Variants in GLG1 observed in about 807,000 individuals in gnomAD.
GLG1 encodes golgi glycoprotein 1.
GLG1 carries 38 observed loss-of-function variants against 160.5 expected under a neutral mutation model. That is an observed-to-expected ratio of 0.24 (90% confidence interval 0.18 to 0.31). The LOEUF is 0.31. Among genes scored for constraint, GLG1 ranks in the 10% least tolerant of loss-of-function variants. GLG1 has a pLI of 1.00. For missense variants in GLG1, 1,373 were observed against 1,505.2 expected (o/e 0.91, Z 1.45); for synonymous variants, 644 against 543.4 (o/e 1.19, Z -2.57).
intron 1 of GLG1, among the ~76,000 whole-genome samples, chr16:74,584,661 G>A (rs762150350): frequency 2.0e-4 from 31 of 152,134 alleles, no homozygotes; most frequent in Non-Finnish European, 4.3e-4. Context: ...GCTCACACCT[G>A]TAATCCCAGC....
chr16:74,459,987 C>G (rs565904546), intron 22 of GLG1, among the ~76,000 whole-genome samples, 198 bp from the exon 23 acceptor site: 1 of 151,822 alleles, frequency 6.6e-6, no homozygotes, highest in African/African-American at 2.4e-5. Flanking sequence ...TCTTGAGTAG[C>G]TGGGACTACA....
At chr16:74,537,001 G>C (rs2017704571) in intron 1 of GLG1, among the ~76,000 whole-genome samples, 1 of 152,082 alleles carries the variant, frequency 6.6e-6, no homozygotes, top group African/African-American at 2.4e-5. Context: ...CTTACATCAA[G>C]TATTTACTCA....
rs770558315 is a variant in GLG1, at chr16:74,491,001, C to T, written c.1449G>A (p.Ala483=). The T allele has an allele frequency of 6.2e-7, 1 of 1,609,046 alleles. No individual in the cohort carries two copies. The highest frequency in any genetic ancestry group is 8.5e-7 in the Non-Finnish European group (1 of 1,175,458). Residue 483 remains alanine, a splice_region_variant and synonymous_variant, in exon 8 of 26, where the codon GCG becomes GCA. Transcript: ENST00000422840. ...KGNLGMNCQQ[A]LQTLIQETDP... ...AATGGCAATAGCAATGTCTCCTTAC[C>T]GCCTGCTGGCAGTTCATTCCAAGGT...
intron 9 of GLG1, among the ~76,000 whole-genome samples, chr16:74,484,113 A>C (rs1299006912): frequency 6.6e-6 from 1 of 151,570 alleles, no homozygotes; most frequent in Non-Finnish European, 1.5e-5. Flanking sequence ...GGTTATTTTT[A>C]CACTGTAAAT....
chr16:74,503,483 C>T lies in GLG1; in HGVS notation c.774+48G>A, dbSNP rs943278007. 6 of 1,265,202 alleles carry T rather than the reference C, an allele frequency of 4.7e-6. No homozygotes were observed. The Admixed American group carries it at 5.1e-5, about 11-fold the overall frequency. The allele number at this position is 1,265,202 out of a possible 1,614,324, so 78.4% of individuals were successfully genotyped here. A position where few individuals can be genotyped will look rare whatever the true frequency, so the allele number is the denominator to read the frequency against. On this transcript the variant is annotated intron_variant, in intron 4 of 25. Transcript: ENST00000422840. ...TGTCAGTTATACAAAGCTTTTCATACACCAAATTTTAAGACCCCTTTGTTG... is the reference window on the plus strand; with the variant it reads ...TGTCAGTTATACAAAGCTTTTCATATACCAAATTTTAAGACCCCTTTGTTG...
intron 4 of GLG1, among the ~76,000 whole-genome samples, chr16:74,497,871 C>T (rs768183345): frequency 4.6e-5 from 7 of 152,276 alleles, no homozygotes; most frequent in Middle Eastern, 3.4e-3. Flanking sequence ...TTAATACTCA[C>T]GTTGATGTTC....
chr16:74,601,227 A>T (rs1958431035), intron 1 of GLG1, among the ~76,000 whole-genome samples: 1 of 152,156 alleles, frequency 6.6e-6, no homozygotes, highest in Non-Finnish European at 1.5e-5. Context: ...CAATATATAC[A>T]TACCCAGAGA....
intron 1 of GLG1, among the ~76,000 whole-genome samples, chr16:74,543,901 G>C (rs374931428): frequency 1.4e-5 from 2 of 146,460 alleles, no homozygotes; most frequent in African/African-American, 4.9e-5. Context: ...GTGAGAATAG[G>C]GGGGAGATGG....
intron 1 of GLG1, among the ~76,000 whole-genome samples, chr16:74,572,994 C>A (rs373233128): frequency 6.6e-6 from 1 of 152,144 alleles, no homozygotes; most frequent in African/African-American, 2.4e-5. Context: ...TGGGTATACA[C>A]TGCAGAATTA....
chr16:74,457,835 A>G (rs2288054), intron 24 of GLG1, 39 bp downstream of exon 24: 469,582 of 1,597,708 alleles, frequency 0.29, 71,912 homozygotes, highest in African/African-American at 0.44. Flanking sequence ...TCTTCCCAAG[A>G]GAGTTCAGAC....
chr16:74,483,158 A>AT, intron 9 of GLG1, 34 bp from the exon 10 acceptor site: 1 of 1,214,406 alleles, frequency 8.2e-7, no homozygotes, highest in Non-Finnish European at 1.2e-6. Flanking sequence ...GTAACAAGAG[A>AT]GAAGTGTTCA....
rs185182133 is a variant in GLG1, at chr16:74,603,464, G to C, written c.438+3193C>G. ...TGAACATCACAAACTTTTTATTAGA[G>C]ACGGTGTCTCACTATGTTGCCAGGC... On this transcript the variant is annotated intron_variant, in intron 1 of 25. Transcript: ENST00000422840. 6.0e-5 allele frequency among the ~76,000 whole-genome samples: 9 copies of C among 150,044 alleles called. No individual in the cohort carries two copies. In the South Asian group the frequency reaches 1.5e-3, roughly 25 times the overall value.
At position 74,462,184 on chromosome 16, in the gene GLG1, T is replaced by G. The variant is rs1489391270; in HGVS notation, c.2946A>C (p.Ser982=). The G allele has an allele frequency of 1.9e-6, 3 of 1,591,538 alleles. No homozygotes were observed. The Admixed American group carries it at 5.0e-5, about 27-fold the overall frequency. The change falls in exon 22 of 26, where the codon TCA becomes TCC. Residue 982 remains serine, a synonymous_variant. Transcript: ENST00000422840. ...TGATTCGGATCTGGTCTTCACAGTCTGAAGACAGGCGCTGCATGTGACAAA... is the reference window on the plus strand; with the variant it reads ...TGATTCGGATCTGGTCTTCACAGTCGGAAGACAGGCGCTGCATGTGACAAA... ...KLRYADQRLS[S]DCEDQIRIII... is the part of the protein sequence containing the mutation.
intron 1 of GLG1, among the ~76,000 whole-genome samples, chr16:74,582,355 G>A (rs1445973551): frequency 1.3e-5 from 2 of 152,014 alleles, no homozygotes; most frequent in Admixed American, 6.5e-5. Context: ...TAGTAGAGAT[G>A]GGGTTTCATC....
chr16:74,545,372 G>C (rs942491542), intron 1 of GLG1, among the ~76,000 whole-genome samples: 4 of 151,958 alleles, frequency 2.6e-5, no homozygotes, highest in Admixed American at 2.6e-4. Flanking sequence ...GTAGAGATGG[G>C]GTTTCACCAT....
intron 1 of GLG1, among the ~76,000 whole-genome samples, chr16:74,551,612 A>ATT (rs535693858): frequency 7.0e-6 from 1 of 143,126 alleles, no homozygotes; most frequent in Non-Finnish European, 1.5e-5. Context: ...CCCAGCCCTT[A>ATT]TTTTTTTTTT....
chr16:74,572,161 G>A (rs2018846854), intron 1 of GLG1, among the ~76,000 whole-genome samples: 1 of 152,180 alleles, frequency 6.6e-6, no homozygotes, highest in South Asian at 2.1e-4. Flanking sequence ...GAAAGGGGCT[G>A]AAGGTTAAGT....
chr16:74,465,947 G>T, intron 18 of GLG1, 134 bp from the exon 19 acceptor site: 1 of 800,878 alleles, frequency 1.2e-6, no homozygotes, highest in Non-Finnish European at 2.0e-6. Flanking sequence ...TCGGAATCAG[G>T]ATTTCCTTAC....
intron 4 of GLG1, among the ~76,000 whole-genome samples, chr16:74,500,604 T>G (rs751961137): frequency 8.2e-4 from 124 of 152,004 alleles, no homozygotes; most frequent in Admixed American, 2.3e-3. Context: ...TCTACCTCAC[T>G]AGATAAAGGA....
Sources: gnomAD v4.1 joint callset for allele counts (sites outside exome capture counted in the v4.1 genomes callset) on GRCh38, gnomAD v4.1.1 for gene constraint, MANE v1.5 for transcripts, NCBI Gene and HGNC (gene_info 2026-07-23, HGNC 2026-07-21) for gene names.